TTC28: variants seen among roughly 807,000 people sequenced by gnomAD.
The protein encoded by TTC28 is tetratricopeptide repeat protein 28.
In TTC28, 61 loss-of-function variants were observed where a neutral mutation model predicts 198.0. The ratio of observed to expected loss-of-function variants is 0.31; its 90% confidence interval spans 0.25 to 0.38. The LOEUF (loss-of-function observed/expected upper bound fraction) is 0.38, where lower values mean the gene tolerates loss of function less well. Ranked by LOEUF, TTC28 falls within the 10% of genes least tolerant of loss-of-function variation. TTC28 has a pLI of 1.00. For synonymous variants in TTC28, 1,171 were observed against 1,297.8 expected, an observed-to-expected ratio of 0.90 and a Z score of 2.10; for missense variants, 2,678 against 3,164.0, an observed-to-expected ratio of 0.85 and a Z score of 3.69.
At chr22:28,142,313 G>A (rs1034461607) in intron 6 of TTC28, among the ~76,000 whole-genome samples, 3 of 152,206 alleles carry the variant, frequency 2.0e-5, no homozygotes, top group African/African-American at 7.2e-5. Flanking sequence ...TAGAATAGAG[G>A]AGTAACCATG....
chr22:28,578,814 C>T (rs908243998), intron 2 of TTC28, among the ~76,000 whole-genome samples: 38 of 152,110 alleles, frequency 2.5e-4, no homozygotes, highest in East Asian at 2.3e-3. Context: ...GAAAGCAACA[C>T]GGGGCAGAAC....
At chr22:28,168,313 A>G (rs1922256723) in intron 5 of TTC28, among the ~76,000 whole-genome samples, 1 of 152,238 alleles carries the variant, frequency 6.6e-6, no homozygotes, top group African/African-American at 2.4e-5. Flanking sequence ...CAGAATTGGA[A>G]AAAACTACTT....
chr22:28,671,277 A>G (rs1359268881), intron 1 of TTC28, among the ~76,000 whole-genome samples: 1 of 152,050 alleles, frequency 6.6e-6, no homozygotes, highest in African/African-American at 2.4e-5. Flanking sequence ...TCCTTTTATC[A>G]TTGCATAGTA....
intron 2 of TTC28, among the ~76,000 whole-genome samples, chr22:28,314,211 G>A (rs904901777): frequency 2.6e-5 from 4 of 152,092 alleles, no homozygotes; most frequent in Non-Finnish European, 5.9e-5. Flanking sequence ...GGAAATAAGA[G>A]AGCACACAAA....
chr22:28,099,747 G>A (rs1010099754), intron 9 of TTC28, among the ~76,000 whole-genome samples: 3 of 152,204 alleles, frequency 2.0e-5, no homozygotes, highest in African/African-American at 7.2e-5. Flanking sequence ...CTTGTCATCA[G>A]GCAACCACAA....
chr22:28,382,825 T>C (rs2046516127), intron 2 of TTC28, among the ~76,000 whole-genome samples: 1 of 152,174 alleles, frequency 6.6e-6, no homozygotes, highest in Non-Finnish European at 1.5e-5. Context: ...CATATCATCA[T>C]AAATATGTAT....
chr22:28,284,681 G>T (rs1387245669), intron 5 of TTC28, among the ~76,000 whole-genome samples: 1 of 151,880 alleles, frequency 6.6e-6, no homozygotes, highest in Non-Finnish European at 1.5e-5. Flanking sequence ...TTTAAAAAAA[G>T]CAAAGGACCT....
chr22:28,090,437 A>C lies in TTC28; in HGVS notation c.3932+3643T>G, dbSNP rs1280226076. ...AATTGCAACATAACATTCTGAATAG[A>C]TATAACATAATTTGTTTGTAATTCA... On this transcript the variant is annotated intron_variant, in intron 12 of 22. Transcript: ENST00000397906. 2.6e-5 allele frequency among the ~76,000 whole-genome samples: 4 copies of C among 152,168 alleles called. No homozygotes were observed. The East Asian group carries it at 5.8e-4, about 22-fold the overall frequency.
intron 2 of TTC28, among the ~76,000 whole-genome samples, chr22:28,535,572 A>G (rs1420519858): frequency 6.6e-6 from 1 of 152,124 alleles, no homozygotes; most frequent in Non-Finnish European, 1.5e-5. Context: ...TATCTATTCT[A>G]TTGTTAATGG....
chr22:28,464,855 T>C (rs1295831759), intron 2 of TTC28, among the ~76,000 whole-genome samples: 1 of 152,218 alleles, frequency 6.6e-6, no homozygotes, highest in Non-Finnish European at 1.5e-5. Context: ...ACTGCTTTAA[T>C]GTCCTCTTCC....
At chr22:28,042,481 C>CA (rs973110876) in intron 12 of TTC28, among the ~76,000 whole-genome samples, 3 of 151,206 alleles carry the variant, frequency 2.0e-5, no homozygotes, top group Non-Finnish European at 4.4e-5. Context: ...ATCGCAAGGA[C>CA]AAAAAAACCA....
Position 28,028,316 on chromosome 22 carries a change from G to T in TTC28, c.4073+1910C>A, listed in dbSNP as rs115553660. ...CTCAGCCTGGCTGGGGGCGGAGATTGTGTTGTATAAGTGAACCAACAAATT... is the reference window on the plus strand; with the variant it reads ...CTCAGCCTGGCTGGGGGCGGAGATTTTGTTGTATAAGTGAACCAACAAATT... On this transcript the variant is annotated intron_variant, in intron 13 of 22. Transcript: ENST00000397906. 9.5e-3 allele frequency among the ~76,000 whole-genome samples: 1,451 copies of T among 152,332 alleles called. 26 individuals carry two copies. Among genetic ancestry groups the T allele is most frequent in the African/African-American group, 0.032 (1,351 of 41,574 alleles).
intron 2 of TTC28, among the ~76,000 whole-genome samples, chr22:28,386,092 C>G (rs1364307384): frequency 1.3e-5 from 2 of 150,848 alleles, no homozygotes; most frequent in Non-Finnish European, 3.0e-5. Flanking sequence ...CCGGCTAAAA[C>G]GGTGAAACCC....
At chr22:28,098,789 T>A in intron 10 of TTC28, 126 bp downstream of exon 10, 1 of 1,241,316 alleles carries the variant, frequency 8.1e-7, no homozygotes, top group Non-Finnish European at 1.1e-6. Flanking sequence ...TAGTTGTGGC[T>A]TCACAGTCTG....
At chr22:28,396,270 A>G (rs2046813808) in intron 2 of TTC28, among the ~76,000 whole-genome samples, 2 of 152,216 alleles carry the variant, frequency 1.3e-5, no homozygotes, top group South Asian at 4.1e-4. Context: ...AAGAAAGCCA[A>G]AGCCAAAGGT....
chr22:28,316,266 T>C (rs2045349683), intron 2 of TTC28, among the ~76,000 whole-genome samples: 1 of 152,162 alleles, frequency 6.6e-6, no homozygotes, highest in Non-Finnish European at 1.5e-5. Flanking sequence ...CTTGAAAGAA[T>C]TCAACAGATG....
intron 12 of TTC28, among the ~76,000 whole-genome samples, chr22:28,090,258 G>T (rs1941772922): frequency 6.6e-6 from 1 of 151,650 alleles, no homozygotes; most frequent in Admixed American, 6.6e-5. Flanking sequence ...CTCCTTCTGA[G>T]AATTTTTCTT....
At chr22:28,359,234 A>T (rs564127848) in intron 2 of TTC28, among the ~76,000 whole-genome samples, 23 of 152,224 alleles carry the variant, frequency 1.5e-4, no homozygotes, top group Non-Finnish European at 3.1e-4. Flanking sequence ...ACTGTTTAAG[A>T]AAACCTCTTC....
chr22:28,487,428 A>T, intron 2 of TTC28, among the ~76,000 whole-genome samples: 1 of 151,906 alleles, frequency 6.6e-6, no homozygotes, highest in East Asian at 1.9e-4. Context: ...TGCATATATA[A>T]ATTTTAATAA....
Sources: allele counts gnomAD v4.1 joint callset (sites outside exome capture counted in the v4.1 genomes callset), GRCh38; gene constraint gnomAD v4.1.1; transcripts MANE v1.5; gene names NCBI Gene and HGNC (gene_info 2026-07-23, HGNC 2026-07-21).